Variants in GREB1L observed in about 807,000 individuals in gnomAD.
GREB1L encodes the protein GREB1-like protein.
Under a neutral mutation model 200.8 loss-of-function variants are expected in GREB1L, and 17 were observed. That is an observed-to-expected ratio of 0.08 (90% confidence interval 0.06 to 0.13). The LOEUF (loss-of-function observed/expected upper bound fraction) is 0.13. Ranked by LOEUF, GREB1L falls within the 10% of genes least tolerant of loss-of-function variation. GREB1L has a pLI of 1.00. For synonymous variants in GREB1L, 789 were observed against 893.0 expected (o/e 0.88, Z 2.08); for missense variants, 1,657 against 2,367.7 (o/e 0.70, Z 6.23).
chr18:21,242,728 C>T (rs1307023997), intron 1 of GREB1L, among the ~76,000 whole-genome samples: 1 of 152,148 alleles, frequency 6.6e-6, no homozygotes, highest in Non-Finnish European at 1.5e-5. Flanking sequence ...GCCTTTGTGG[C>T]GGGAGCGAGA....
chr18:21,296,259 A>G (rs2038526151), intron 1 of GREB1L, among the ~76,000 whole-genome samples: 4 of 152,260 alleles, frequency 2.6e-5, no homozygotes. Context: ...ATAAAAAAGC[A>G]TGAAGTTATG....
intron 1 of GREB1L, among the ~76,000 whole-genome samples, chr18:21,365,417 G>A (rs1266875798): frequency 6.6e-6 from 1 of 152,048 alleles, no homozygotes; most frequent in African/African-American, 2.4e-5. Flanking sequence ...GAGGAGAGAT[G>A]AACATGCATA....
At chr18:21,339,989 C>T (rs1038893222) in intron 1 of GREB1L, among the ~76,000 whole-genome samples, 1 of 152,212 alleles carries the variant, frequency 6.6e-6, no homozygotes, top group Non-Finnish European at 1.5e-5. Flanking sequence ...ATTTGTGTCT[C>T]TATTTTTGCT....
intron 1 of GREB1L, among the ~76,000 whole-genome samples, chr18:21,268,487 GTGTATATATATACATATATATA>G (rs2038008746): frequency 7.2e-6 from 1 of 138,030 alleles, no homozygotes; most frequent in Non-Finnish European, 1.5e-5. Flanking sequence ...ATGTGTGTGT[GTGTATATATATACATATATATA>G]TGTATATATA....
At chr18:21,508,632 T>C (rs1231172920) in intron 27 of GREB1L, 41 bp downstream of exon 27, 6 of 1,487,096 alleles carry the variant, frequency 4.0e-6, no homozygotes, top group Non-Finnish European at 3.6e-6. Flanking sequence ...GCTTCGAAGA[T>C]AAACTGAGCT....
intron 1 of GREB1L, among the ~76,000 whole-genome samples, chr18:21,350,452 G>A (rs748748642): frequency 4.6e-5 from 7 of 151,792 alleles, no homozygotes; most frequent in East Asian, 3.9e-4. Context: ...TTGGCCAGGC[G>A]TGTCTTGAAC....
At chr18:21,287,926 C>A (rs1423421012) in intron 1 of GREB1L, among the ~76,000 whole-genome samples, 1 of 151,430 alleles carries the variant, frequency 6.6e-6, no homozygotes, top group Admixed American at 6.6e-5. Context: ...TCCCGGGTAG[C>A]TGGGATTACA....
At chr18:21,382,491 A>ATT (rs36119910) in intron 2 of GREB1L, among the ~76,000 whole-genome samples, 67 of 139,130 alleles carry the variant, frequency 4.8e-4, no homozygotes, top group African/African-American at 1.5e-3. Context: ...TATACATGGA[A>ATT]TTTTTTTTTT....
intron 1 of GREB1L, among the ~76,000 whole-genome samples, chr18:21,257,723 C>T (rs1429884557): frequency 6.6e-6 from 1 of 152,176 alleles, no homozygotes; most frequent in Admixed American, 6.5e-5. Context: ...ATGCACAAAA[C>T]ACAGCTTTTG....
At chr18:21,492,414 C>T (rs569981749) in intron 19 of GREB1L, among the ~76,000 whole-genome samples, 23 of 152,132 alleles carry the variant, frequency 1.5e-4, no homozygotes, top group Non-Finnish European at 2.9e-4. Flanking sequence ...TGCTAAGTCT[C>T]CCACATCTGT....
intron 7 of GREB1L, among the ~76,000 whole-genome samples, chr18:21,436,733 CAG>C (rs1207419552): frequency 6.9e-6 from 1 of 144,786 alleles, no homozygotes; most frequent in Non-Finnish European, 1.5e-5. Context: ...TTTTCTGAAA[CAG>C]GGTATCTCTC....
chr18:21,265,836 C>T (rs1172969160), intron 1 of GREB1L, among the ~76,000 whole-genome samples: 1 of 151,832 alleles, frequency 6.6e-6, no homozygotes, highest in African/African-American at 2.4e-5. Context: ...ATTGAAATGA[C>T]CTAATTTTAG....
chr18:21,467,544 T>A (rs1206173192), intron 15 of GREB1L, among the ~76,000 whole-genome samples: 1 of 152,158 alleles, frequency 6.6e-6, no homozygotes, highest in African/African-American at 2.4e-5. Context: ...AATGAGAGAC[T>A]GCTACACACC....
At chr18:21,444,094 G>T (rs1484639101) in intron 10 of GREB1L, 130 bp from the exon 11 acceptor site, 1 of 597,082 alleles carries the variant, frequency 1.7e-6, no homozygotes, top group Non-Finnish European at 2.9e-6. Context: ...ATGTTTGAGT[G>T]ATTTGTTTGG....
At chr18:21,402,300 TC>T (rs2041348369) in intron 6 of GREB1L, among the ~76,000 whole-genome samples, 1 of 152,178 alleles carries the variant, frequency 6.6e-6, no homozygotes. Flanking sequence ...TTAATTCCCT[TC>T]TTTAGCCTTG....
intron 1 of GREB1L, among the ~76,000 whole-genome samples, chr18:21,318,837 C>G (rs147365619): frequency 3.9e-5 from 6 of 152,284 alleles, no homozygotes; most frequent in Admixed American, 6.5e-5. Flanking sequence ...AAGTGAAGAT[C>G]TGAAAGGAGG....
At chr18:21,329,021 A>T (rs372778504) in intron 1 of GREB1L, among the ~76,000 whole-genome samples, 201 of 152,034 alleles carry the variant, frequency 1.3e-3, no homozygotes, top group African/African-American at 4.7e-3. Flanking sequence ...GCACAATTAG[A>T]CTTAAAATAT....
rs1230472862 is a variant in GREB1L, at chr18:21,522,638, T to TTCTG, written c.5609-16_5609-13dup. The TTCTG allele has an allele frequency of 3.3e-6, 5 of 1,537,540 alleles. No individual in the cohort carries two copies. Among genetic ancestry groups the TTCTG allele is most frequent in the Admixed American group, 2.0e-5 (1 of 49,216 alleles). ...TTCAATCCCTGAGCCTAGGACATAT[T>TTCTG]TCTGTCTTTTTTCCTGAAGGTGCTA... is the stretch of plus-strand genomic sequence containing the variant. On this transcript the variant is annotated intron_variant, in intron 32 of 32. Coordinates refer to ENST00000424526, the MANE Select transcript of GREB1L (RefSeq NM_001142966.3).
Position 21,522,992 on chromosome 18 carries a change from A to T in GREB1L, c.*171A>T, listed in dbSNP as rs936217672. ...TCTGATCCAGGTCTTTGGGGACATCACTTTCCTTCAGTTCCAATTACAGGA... is the reference window on the plus strand; with the variant it reads ...TCTGATCCAGGTCTTTGGGGACATCTCTTTCCTTCAGTTCCAATTACAGGA... On this transcript the variant is annotated 3_prime_UTR_variant, in exon 33 of 33. Transcript: ENST00000424526. 3 of 581,728 alleles carry T rather than the reference A, an allele frequency of 5.2e-6. No homozygotes were observed. Among genetic ancestry groups the T allele is most frequent in the Non-Finnish European group, 8.7e-6 (3 of 344,450 alleles). 36.0% of individuals were successfully genotyped at this position (581,728 alleles called of 1,614,324 possible).
Sources: gnomAD v4.1 joint callset for allele counts (sites outside exome capture counted in the v4.1 genomes callset) on GRCh38, gnomAD v4.1.1 for gene constraint, MANE v1.5 for transcripts, NCBI Gene and HGNC (gene_info 2026-07-23, HGNC 2026-07-21) for gene names.